CELA3A: variants seen among roughly 807,000 people sequenced by gnomAD.
CELA3A encodes chymotrypsin like elastase 3A.
In CELA3A, 35 loss-of-function variants were observed where a neutral mutation model predicts 38.6. The ratio of observed to expected loss-of-function variants is 0.91; its 90% CI spans 0.69 to 1.20. The LOEUF (loss-of-function observed/expected upper bound fraction) is 1.20. Among genes scored for constraint, CELA3A ranks in the 50% most tolerant of loss-of-function variants. The pLI, the probability that CELA3A is intolerant of heterozygous loss-of-function variation, is 0.00. For missense variants in CELA3A, 343 were observed against 354.2 expected (o/e 0.97, Z 0.25); for synonymous variants, 143 against 136.7 (o/e 1.05, Z -0.32).
rs1033357280 is a variant in CELA3A, at chr1:22,005,540, A to C, written c.223A>C (p.Ile75Leu). ...PDWVVTAGHC[I>L]SRDLTYQVVL... ...TTGGGTTGTGACTGCCGGCCACTGC[A>C]TCTCGTGAGTTCTCTACCCTGTCCC... The change falls in exon 3 of 8, where the codon ATC becomes CTC. Residue 75 changes from isoleucine (I) to leucine (L), a missense_variant. Ile to Leu is a conservative substitution (Grantham distance 5). Coordinates refer to ENST00000290122, the MANE Select transcript of CELA3A (RefSeq NM_005747.5). 1 of 1,612,830 alleles carries C rather than the reference A, an allele frequency of 6.2e-7. No individual in the cohort carries two copies.
intron 2 of CELA3A, 132 bp from the exon 3 acceptor site, chr1:22,005,315 T>G: frequency 9.1e-7 from 1 of 1,094,988 alleles, no homozygotes; most frequent in African/African-American, 1.6e-5. Context: ...GCTGCATATT[T>G]CAGTGGGTGC....
chr1:22,002,020 T>C (rs1203254423), intron 1 of CELA3A, among the ~76,000 whole-genome samples: 1 of 151,006 alleles, frequency 6.6e-6, no homozygotes, highest in Non-Finnish European at 1.5e-5. Context: ...GGTTGGAATT[T>C]CCACAGTTCT....
chr1:22,012,055 C>A lies in CELA3A; in HGVS notation c.796-395C>A, dbSNP rs1402830903. On this transcript the variant is annotated intron_variant, in intron 7 of 7. Transcript: ENST00000290122. The stretch of plus-strand genomic sequence containing the variant: ...GAGTGAGACTCTGTCTCAAAAAAAA[C>A]CAAAAAAACAAAAAAAATATAGATT... 8.1e-5 allele frequency among the ~76,000 whole-genome samples: 10 copies of A among 123,960 alleles called. 2 individuals are homozygous for A. Among genetic ancestry groups the A allele is most frequent in the African/African-American group, 1.3e-4 (4 of 30,078 alleles). The allele number at this position is 123,960 out of a possible 152,430, so 81.3% of individuals were successfully genotyped here.
rs143304998 is a variant in CELA3A, at chr1:22,001,684, C to T, written c.10C>T (p.Arg4Trp). ...TATCATCACAAAACTCATGATGCTCCGGCTGCTCAGTTCCCTCCTCCTTGT... is the reference window on the plus strand; with the variant it reads ...TATCATCACAAAACTCATGATGCTCTGGCTGCTCAGTTCCCTCCTCCTTGT... The part of the protein sequence containing the change: MML[R>W]LLSSLLLVAV... The change falls in exon 1 of 8, where the codon CGG (arginine) becomes TGG (tryptophan). Residue 4 changes from arginine to tryptophan, a missense_variant. Coordinates refer to ENST00000290122, the MANE Select transcript of CELA3A (RefSeq NM_005747.5). 136 of 1,612,146 alleles carry T rather than the reference C, an allele frequency of 8.4e-5. 2 individuals are homozygous for T. Among genetic ancestry groups the T allele is most frequent in the South Asian group, 8.0e-4 (73 of 91,012 alleles).
In CELA3A at chr1:22,008,452, G is replaced by C. The variant is rs181627166; in HGVS notation, c.642+937G>C. Reference sequence around the variant, plus strand: ...AGATGTGAGCCACTTTCCTGGCCAAGACCTTGTCTAAGAAAAAAAAACAAA... The same window carrying C: ...AGATGTGAGCCACTTTCCTGGCCAACACCTTGTCTAAGAAAAAAAAACAAA... On this transcript the variant is annotated intron_variant, in intron 6 of 7. Transcript: ENST00000290122. 2.7e-5 allele frequency among the ~76,000 whole-genome samples: 4 copies of C among 147,882 alleles called. No homozygotes were observed. The East Asian group carries it at 8.4e-4, about 31-fold the overall frequency.
Position 22,006,867 on chromosome 1 carries a change from C to T in CELA3A, c.363-11C>T, listed in dbSNP as rs1644953571. On this transcript the variant is annotated splice_polypyrimidine_tract_variant and intron_variant, in intron 4 of 7. Transcript: ENST00000290122. ...GAGGACCAGGCCCCGTGACTGTTCC[C>T]TCCTCCCCAGCAATGACATCGCCCT... 1 of 1,611,156 alleles carries T rather than the reference C, an allele frequency of 6.2e-7. No homozygotes were observed. Among genetic ancestry groups the T allele is most frequent in the Non-Finnish European group, 8.5e-7 (1 of 1,178,660 alleles).
At position 22,009,801 on chromosome 1, in the gene CELA3A, A is replaced by G. The variant is rs781674213; in HGVS notation, c.739A>G (p.Ile247Val). ...SFVSAFGCNF[I>V]WKPTVFTRVS... ...TGTTTCTGCCTTTGGCTGCAACTTC[A>G]TCTGGAAGCCCACGGTGTTCACTCG... is the stretch of plus-strand genomic sequence containing the variant. The change falls in exon 7 of 8, where the codon ATC becomes GTC. Residue 247 changes from isoleucine (I) to valine (V), a missense_variant. Coordinates refer to ENST00000290122, the MANE Select transcript of CELA3A (RefSeq NM_005747.5). The G allele has an allele frequency of 6.2e-7, 1 of 1,610,776 alleles. No homozygotes were observed. Among genetic ancestry groups the G allele is most frequent in the Non-Finnish European group, 8.5e-7 (1 of 1,178,418 alleles).
intron 6 of CELA3A, among the ~76,000 whole-genome samples, chr1:22,008,289 T>C (rs1644963212): frequency 6.7e-6 from 1 of 148,890 alleles, no homozygotes; most frequent in Admixed American, 6.8e-5. Context: ...CAGCCAGGAG[T>C]ACAAGTGTGT....
intron 2 of CELA3A, among the ~76,000 whole-genome samples, 172 bp from the exon 3 acceptor site, chr1:22,005,275 A>T (rs1248590955): frequency 2.0e-5 from 3 of 151,798 alleles, no homozygotes; most frequent in African/African-American, 7.3e-5. Flanking sequence ...TAGGGCCACC[A>T]CGGGCAGCTG....
At chr1:22,002,408 G>C (rs1644923434) in intron 1 of CELA3A, 2 of 407,268 alleles carry the variant, frequency 4.9e-6, no homozygotes, top group Non-Finnish European at 9.8e-6. Context: ...TTGTTGCCCA[G>C]ACTGGTCTCA....
At chr1:22,001,834 T>G in intron 1 of CELA3A, 117 bp downstream of exon 1, 2 of 1,428,690 alleles carry the variant, frequency 1.4e-6, no homozygotes, top group Middle Eastern at 1.7e-4. Context: ...GGAGGGGGTC[T>G]CAGCTTGTAC....
At chr1:22,006,090 G>A (rs964954837) in intron 4 of CELA3A, 1 of 403,006 alleles carries the variant, frequency 2.5e-6, no homozygotes, top group Non-Finnish European at 4.5e-6. Context: ...TCAGAGCTCA[G>A]GGTTCCTCTG....
At chr1:22,007,296 C>A in intron 5 of CELA3A, 77 bp from the exon 6 acceptor site, 1 of 1,525,944 alleles carries the variant, frequency 6.6e-7, no homozygotes. Flanking sequence ...GAACTGTGGG[C>A]CTTGAATGCC....
chr1:22,002,290 A>T (rs1177365333), intron 1 of CELA3A, among the ~76,000 whole-genome samples: 1 of 151,270 alleles, frequency 6.6e-6, no homozygotes, highest in African/African-American at 2.4e-5. Flanking sequence ...ATTATCCCCC[A>T]TTTTACTGAC....
intron 4 of CELA3A, 134 bp from the exon 5 acceptor site, chr1:22,006,735 AATAATAATG>A (rs145809479): frequency 0.025 from 17,110 of 675,736 alleles, 867 homozygotes; most frequent in African/African-American, 0.13. Flanking sequence ...TAATAATAAT[AATAATAATG>A]ATGATGAAAG....
Position 22,001,714 on chromosome 1 carries a change from G to T in CELA3A, c.40G>T (p.Val14Phe). 1.2e-6 allele frequency: 2 copies of T among 1,612,098 alleles called. No individual in the cohort carries two copies. Among genetic ancestry groups the T allele is most frequent in the East Asian group, 2.2e-5 (1 of 44,690 alleles). The change falls in exon 1 of 8, where the codon GTT (valine) becomes TTT (phenylalanine). Residue 14 changes from valine (V) to phenylalanine (F), a missense_variant. By Grantham distance (50) the Val-to-Phe change is conservative. Coordinates refer to ENST00000290122, the MANE Select transcript of CELA3A (RefSeq NM_005747.5). ...GCTCAGTTCCCTCCTCCTTGTGGCC[G>T]TTGGTAAGACCCCAACCTGTCTGTG... ...RLLSSLLLVA[V>F]ASGYGPPSSH...
chr1:22,006,938 C>T lies in CELA3A; in HGVS notation c.423C>T (p.Leu141=), dbSNP rs149331601. 2,877 of 1,612,378 alleles carry T rather than the reference C, an allele frequency of 1.8e-3. 146 individuals are homozygous for T. The African/African-American group carries it at 0.033, about 19-fold the overall frequency. Residue 141 remains leucine (L), a synonymous_variant, in exon 5 of 8, where the codon CTC becomes CTT. Coordinates refer to ENST00000290122, the MANE Select transcript of CELA3A (RefSeq NM_005747.5). ...CCCAGCTGGGAGATGCCGTCCAGCTCGCCTCACTCCCTCCCGCTGGTGACA... is the reference window on the plus strand; with the variant it reads ...CCCAGCTGGGAGATGCCGTCCAGCTTGCCTCACTCCCTCCCGCTGGTGACA... ...RSAQLGDAVQ[L]ASLPPAGDIL...
intron 2 of CELA3A, among the ~76,000 whole-genome samples, chr1:22,004,072 T>C (rs1027712598): frequency 3.3e-5 from 2 of 61,092 alleles, no homozygotes; most frequent in Admixed American, 2.3e-4. Flanking sequence ...TTTTCTTTTC[T>C]TTGTTTTTTT....
At chr1:22,004,065 T>C (rs1271710216) in intron 2 of CELA3A, among the ~76,000 whole-genome samples, 10 of 121,622 alleles carry the variant, frequency 8.2e-5, no homozygotes, top group African/African-American at 2.6e-4. Context: ...TCTTTTCTTT[T>C]CTTTTCTTTG....
Sources: gnomAD v4.1 joint callset for allele counts (sites outside exome capture counted in the v4.1 genomes callset) on GRCh38, gnomAD v4.1.1 for gene constraint, MANE v1.5 for transcripts, NCBI Gene and HGNC (gene_info 2026-07-23, HGNC 2026-07-21) for gene names.